GYPB: variants seen among roughly 807,000 people sequenced by gnomAD.
GYPB encodes glycophorin-B.
In GYPB, 13 loss-of-function variants were observed where a neutral mutation model predicts 15.3. The observed-to-expected ratio is 0.85, with a 90% CI of 0.55 to 1.35. The LOEUF is 1.35. GYPB is among the 40% of genes most tolerant of loss of function. The pLI is 0.00. For synonymous variants in GYPB, 38 were observed against 36.9 expected, an observed-to-expected ratio of 1.03 and a Z score of -0.11; for missense variants, 131 against 108.3, an observed-to-expected ratio of 1.21 and a Z score of -0.93.
downstream of GYPB, chr4:143,996,068 A>G: frequency 8.2e-7 from 1 of 1,225,818 alleles, no homozygotes; most frequent in Non-Finnish European, 1.1e-6. Context: ...TTTTAAACAT[A>G]GCTTGAAATA....
At chr4:144,003,716 C>T (rs1432384429) in intron 1 of GYPB, among the ~76,000 whole-genome samples, 1 of 151,332 alleles carries the variant, frequency 6.6e-6, no homozygotes, top group African/African-American at 2.5e-5. Context: ...AATAGGTAGA[C>T]TTCTTTGTTC....
At chr4:144,002,467 T>A in intron 1 of GYPB, 1 of 526,174 alleles carries the variant, frequency 1.9e-6, no homozygotes, top group Non-Finnish European at 3.0e-6. Context: ...TGTTCTGTGG[T>A]TTATATTTCA....
intron 1 of GYPB, among the ~76,000 whole-genome samples, chr4:144,013,654 T>TA (rs1201902789): frequency 1.4e-5 from 2 of 147,962 alleles, no homozygotes; most frequent in Non-Finnish European, 3.0e-5. Context: ...TCATTCTCAG[T>TA]AAACTATCGC....
intron 1 of GYPB, among the ~76,000 whole-genome samples, chr4:144,011,686 T>C (rs1273035163): frequency 1.3e-5 from 2 of 151,376 alleles, no homozygotes; most frequent in Non-Finnish European, 2.9e-5. Context: ...GAAATATATC[T>C]GCTTGCAATC....
intron 1 of GYPB, among the ~76,000 whole-genome samples, chr4:144,018,491 TG>T (rs1728619109): frequency 6.6e-6 from 1 of 151,274 alleles, no homozygotes; most frequent in Non-Finnish European, 1.5e-5. Flanking sequence ...CCCTGTGTGC[TG>T]GGCACTAGTA....
At chr4:143,996,900 T>G (rs1242908798) in intron 4 of GYPB, among the ~76,000 whole-genome samples, 1 of 151,088 alleles carries the variant, frequency 6.6e-6, no homozygotes, top group African/African-American at 2.5e-5. Flanking sequence ...TATTTTATTT[T>G]TATTTATTTA....
intron 1 of GYPB, among the ~76,000 whole-genome samples, chr4:144,011,632 T>C (rs2149967030): frequency 6.6e-6 from 1 of 151,338 alleles, no homozygotes; most frequent in African/African-American, 2.5e-5. Context: ...TTTTCTCCAA[T>C]TGTGATAGAT....
Position 144,004,564 on chromosome 4 carries a change from T to G in GYPB, c.38-3281A>C, listed in dbSNP as rs1175491140. On this transcript the variant is annotated intron_variant, in intron 1 of 4. Coordinates refer to ENST00000502664, the MANE Select transcript of GYPB (RefSeq NM_002100.6). Reference sequence around the variant, plus strand: ...TCACATGGGGGCAATTTAAAGAATTTCATCAATACCTTCAAATTAAATAAA... The same window carrying G: ...TCACATGGGGGCAATTTAAAGAATTGCATCAATACCTTCAAATTAAATAAA... 3.3e-5 allele frequency among the ~76,000 whole-genome samples: 5 copies of G among 151,228 alleles called. 1 individual carries two copies. The highest frequency in any genetic ancestry group is 1.2e-4 in the African/African-American group (5 of 40,630).
At chr4:144,006,040 A>C (rs1368232959) in intron 1 of GYPB, among the ~76,000 whole-genome samples, 1 of 151,640 alleles carries the variant, frequency 6.6e-6, no homozygotes, top group African/African-American at 2.4e-5. Flanking sequence ...GTGCAAAATA[A>C]AATACAAAGG....
chr4:144,006,173 T>G (rs1727905251), intron 1 of GYPB, among the ~76,000 whole-genome samples: 1 of 151,936 alleles, frequency 6.6e-6, no homozygotes, highest in Non-Finnish European at 1.5e-5. Context: ...TGACCTGAAT[T>G]GAATTGTATA....
chr4:144,003,310 T>C (rs1031968662), intron 1 of GYPB, among the ~76,000 whole-genome samples: 11 of 150,648 alleles, frequency 7.3e-5, no homozygotes, highest in Non-Finnish European at 1.5e-4. Context: ...AAAAAAAACA[T>C]GCGGGAGCTT....
At position 144,016,579 on chromosome 4, in the gene GYPB, T is replaced by C. The variant is rs139092203; in HGVS notation, c.37+2672A>G. On this transcript the variant is annotated intron_variant, in intron 1 of 4. Transcript: ENST00000502664. The stretch of plus-strand genomic sequence containing the variant: ...GAATAAAGTAGGCATGATGATATCA[T>C]ACCAGTCCCTTTGTTTCCTCCCATT... Among the ~76,000 whole-genome samples the C allele has an allele frequency of 8.9e-3, 1,348 of 151,396 alleles. 102 individuals carry two copies. Among genetic ancestry groups the C allele is most frequent in the African/African-American group, 0.032 (1,286 of 40,710 alleles).
intron 4 of GYPB, among the ~76,000 whole-genome samples, chr4:143,996,761 A>C (rs1727333810): frequency 1.5e-5 from 2 of 137,188 alleles, no homozygotes; most frequent in South Asian, 4.8e-4. Context: ...GACAGAGGGA[A>C]ACTCTGTCTC....
intron 1 of GYPB, among the ~76,000 whole-genome samples, chr4:144,010,204 C>A (rs1463959905): frequency 1.3e-5 from 2 of 151,318 alleles, no homozygotes; most frequent in African/African-American, 4.9e-5. Context: ...TGGCTCATGC[C>A]TGTAAACCCA....
At chr4:144,011,912 T>C (rs376579214) in intron 1 of GYPB, among the ~76,000 whole-genome samples, 434 of 147,106 alleles carry the variant, frequency 3.0e-3, no homozygotes, top group African/African-American at 9.6e-3. Flanking sequence ...TTCAGTGCCA[T>C]GATCTCTATT....
rs189351242 is a variant in GYPB, at chr4:144,010,136, A to C, written c.38-8853T>G. Among the ~76,000 whole-genome samples, 351 of 151,262 alleles carry C rather than the reference A, an allele frequency of 2.3e-3. 2 individuals are homozygous for C. The highest frequency in any genetic ancestry group is 4.1e-3 in the Admixed American group (63 of 15,258). ...CGCATTCCTCTACTAATGGGCTATGAAATCAGTCCAGTGGGTTGTCACTGG... is the reference window on the plus strand; with the variant it reads ...CGCATTCCTCTACTAATGGGCTATGCAATCAGTCCAGTGGGTTGTCACTGG... On this transcript the variant is annotated intron_variant, in intron 1 of 4. Coordinates refer to ENST00000502664, the MANE Select transcript of GYPB (RefSeq NM_002100.6).
chr4:143,996,637 G>C (rs1442955115), intron 4 of GYPB, among the ~76,000 whole-genome samples: 1 of 150,184 alleles, frequency 6.7e-6, no homozygotes, highest in Admixed American at 6.6e-5. Context: ...AGGCATGGTA[G>C]CCCGCACCTG....
Position 143,997,573 on chromosome 4 carries a change from G to A in GYPB, c.237C>T (p.Leu79=), listed in dbSNP as rs371821715. 6 of 1,601,204 alleles carry A rather than the reference G, an allele frequency of 3.7e-6. No homozygotes were observed. Among genetic ancestry groups the A allele is most frequent in the East Asian group, 2.2e-5 (1 of 44,714 alleles). ...CVMAGIIGTI[L]LISYSIRRLI... is the part of the protein sequence containing the mutation. ...GTCGGCGAATACTGTAAGAAATTAAGAGGATCGTTCCAATAATACCAGCCA... is the reference window on the plus strand; with the variant it reads ...GTCGGCGAATACTGTAAGAAATTAAAAGGATCGTTCCAATAATACCAGCCA... The change falls in exon 4 of 5, where the codon CTC becomes CTT. Residue 79 remains leucine, a synonymous_variant. Transcript: ENST00000502664.
intron 1 of GYPB, among the ~76,000 whole-genome samples, chr4:144,018,394 G>T (rs1190090091): frequency 6.6e-6 from 1 of 150,994 alleles, no homozygotes; most frequent in East Asian, 1.9e-4. Flanking sequence ...GTATGCTACA[G>T]AGTGCTCAGT....
Sources: allele counts gnomAD v4.1 joint callset (sites outside exome capture counted in the v4.1 genomes callset), GRCh38; gene constraint gnomAD v4.1.1; transcripts MANE v1.5; gene names NCBI Gene and HGNC (gene_info 2026-07-23, HGNC 2026-07-21).